KLHDC8A: variants seen among roughly 807,000 people sequenced by gnomAD.
KLHDC8A encodes the protein kelch domain-containing protein 8A.
Under a neutral mutation model 33.1 loss-of-function variants are expected in KLHDC8A, and 21 were observed. The observed-to-expected ratio is 0.64, with a 90% CI of 0.45 to 0.91. The LOEUF is 0.91. Ranked by LOEUF, KLHDC8A falls within the 40% of genes least tolerant of loss-of-function variation. The probability of loss-of-function intolerance (pLI) is 0.00; values close to 1 mark genes in which losing one functional copy is unlikely to be tolerated. For synonymous variants in KLHDC8A, 173 were observed against 193.5 expected, an observed-to-expected ratio of 0.89 and a Z score of 0.88; for missense variants, 435 against 483.3, an observed-to-expected ratio of 0.90 and a Z score of 0.94.
Position 205,339,635 on chromosome 1 carries a change from T to C in KLHDC8A, c.541+9A>G, listed in dbSNP as rs779523972. 11 of 1,613,620 alleles carry C rather than the reference T, an allele frequency of 6.8e-6. No homozygotes were observed. The African/African-American group carries it at 1.1e-4, about 16-fold the overall frequency. On this transcript the variant is annotated intron_variant, in intron 3 of 5. Transcript: ENST00000367155. This position sits in a 1 kb window ranked among gnomAD's most constrained non-coding sequence, Gnocchi z 5.1. ...GGAGGGTAGGTATAGAACAGTAACC[T>C]GTCCTTACCCAGCACGTAGATCTTG... is the stretch of plus-strand genomic sequence containing the variant.
chr1:205,351,247 A>G (rs1663096264), intron 1 of KLHDC8A: 3 of 811,764 alleles, frequency 3.7e-6, no homozygotes, highest in Non-Finnish European at 6.7e-6. Flanking sequence ...AGTATACACC[A>G]TGAGCAAAGC....
At chr1:205,351,748 G>T (rs947982209) in intron 1 of KLHDC8A, among the ~76,000 whole-genome samples, 2 of 151,850 alleles carry the variant, frequency 1.3e-5, no homozygotes, top group Non-Finnish European at 2.9e-5. Flanking sequence ...GAGAAACCCC[G>T]TCTCTACTAA....
intron 1 of KLHDC8A, among the ~76,000 whole-genome samples, chr1:205,352,105 C>T (rs971959900): frequency 6.6e-6 from 1 of 152,102 alleles, no homozygotes; most frequent in African/African-American, 2.4e-5. Flanking sequence ...CAGCCCGGGC[C>T]CTCCAGAGAG....
rs1326553266 is a variant in KLHDC8A at position 205,339,585 on chromosome 1, A to G, written c.541+59T>C. On this transcript the variant is annotated intron_variant, in intron 3 of 5. Coordinates refer to ENST00000367155, the MANE Select transcript of KLHDC8A (RefSeq NM_018203.3). This position sits in a 1 kb window ranked among gnomAD's most constrained non-coding sequence, Gnocchi z 5.1. ...GCTCAGCACACAGGCACTGCTTCCT[A>G]TGGGAACTGAGCCAAGGGAAGGAAG... 9 of 1,573,704 alleles carry G rather than the reference A, an allele frequency of 5.7e-6. No individual in the cohort carries two copies. The highest frequency in any genetic ancestry group is 7.0e-6 in the Non-Finnish European group (8 of 1,148,426).
chr1:205,339,887 C>G lies in KLHDC8A; in HGVS notation c.377-79G>C. The G allele has an allele frequency of 7.3e-7, 1 of 1,375,614 alleles. No individual in the cohort carries two copies. Among genetic ancestry groups the G allele is most frequent in the Non-Finnish European group, 1.0e-6 (1 of 998,542 alleles). The allele number at this position is 1,375,614 out of a possible 1,614,324, so 85.2% of individuals were successfully genotyped here. A position where few individuals can be genotyped will look rare whatever the true frequency, so the allele number is the denominator to read the frequency against. On this transcript the variant is annotated intron_variant, in intron 2 of 5. Coordinates refer to ENST00000367155, the MANE Select transcript of KLHDC8A (RefSeq NM_018203.3). This position sits in a 1 kb window ranked among gnomAD's most constrained non-coding sequence, Gnocchi z 5.1. ...AGGCCCACCAGCATCTATTGCCTCC[C>G]ATGGCCAGGCCAAGCTTTCAACCAC...
At chr1:205,351,284 T>C (rs906315133) in intron 1 of KLHDC8A, 34 of 853,116 alleles carry the variant, frequency 4.0e-5, no homozygotes, top group Middle Eastern at 3.3e-4. Flanking sequence ...AAAAAATTTA[T>C]GGACAAGAAG....
At chr1:205,342,405 T>G (rs139367727) in intron 2 of KLHDC8A, among the ~76,000 whole-genome samples, 46 of 152,310 alleles carry the variant, frequency 3.0e-4, no homozygotes, top group African/African-American at 1.1e-3. Context: ...TTCTCTCTAG[T>G]TACTTTCATT....
At position 205,349,939 on chromosome 1, in the gene KLHDC8A, G is replaced by A. The variant is rs529025675; in HGVS notation, c.-189-6146C>T. ...CTGGTGCCTGTCAAATTAGAAGGAA[G>A]GAAGGTGAAGAAGAGAGCAGCTGGG... On this transcript the variant is annotated intron_variant, in intron 1 of 5. Transcript: ENST00000367155. 2.0e-5 allele frequency among the ~76,000 whole-genome samples: 3 copies of A among 152,322 alleles called. No homozygotes were observed. In the South Asian group the frequency reaches 6.2e-4, roughly 32 times the overall value.
intron 2 of KLHDC8A, among the ~76,000 whole-genome samples, chr1:205,340,526 C>T (rs1298382489): frequency 6.6e-6 from 1 of 152,044 alleles, no homozygotes; most frequent in African/African-American, 2.4e-5. Context: ...GTTTTGTTGC[C>T]CAGGCTGGAG....
chr1:205,341,980 G>A (rs1365443831), intron 2 of KLHDC8A, among the ~76,000 whole-genome samples: 3 of 152,192 alleles, frequency 2.0e-5, no homozygotes, highest in African/African-American at 4.8e-5. Context: ...ACTGTAGGCC[G>A]TTGAGAATTT....
At chr1:205,351,619 A>AAT (rs1205242418) in intron 1 of KLHDC8A, 2 of 528,346 alleles carry the variant, frequency 3.8e-6, no homozygotes, top group East Asian at 7.0e-5. Context: ...AAAAAAAAAA[A>AAT]AAAGAGGAGG....
At chr1:205,352,811 G>A (rs1663153621) in intron 1 of KLHDC8A, among the ~76,000 whole-genome samples, 1 of 152,214 alleles carries the variant, frequency 6.6e-6, no homozygotes, top group African/African-American at 2.4e-5. Flanking sequence ...GGAGTGGCAG[G>A]GCCTTGGCCC....
chr1:205,352,665 G>A (rs576767460), intron 1 of KLHDC8A, among the ~76,000 whole-genome samples: 27 of 152,354 alleles, frequency 1.8e-4, no homozygotes, highest in African/African-American at 6.5e-4. Flanking sequence ...CTGGAAAGGT[G>A]AGAACCAGGC....
Position 205,337,420 on chromosome 1 carries a change from G to A in KLHDC8A, c.1032C>T (p.Ala344=), listed in dbSNP as rs758765786. The change falls in exon 6 of 6, where the codon GCC becomes GCT. Residue 344 remains alanine (A), a synonymous_variant. Transcript: ENST00000367155. ...ACAGCTAGGAGTCAGAGACACACAG[G>A]GCCTCCACTGCGTCACTCAGACCCT... ...VNQGLSDAVE[A]LCVSDS 1 of 1,613,240 alleles carries A rather than the reference G, an allele frequency of 6.2e-7. No individual in the cohort carries two copies. The highest frequency in any genetic ancestry group is 1.3e-5 in the African/African-American group (1 of 74,990).
chr1:205,353,241 G>GA lies in KLHDC8A; in HGVS notation c.-190+3291dup, dbSNP rs374420736. On this transcript the variant is annotated intron_variant, in intron 1 of 5. Transcript: ENST00000367155. Reference sequence around the variant, plus strand: ...ATTTTTACATTTTTAAATGATTGGGGAAAAAAAATCAAAAGAAAAATATTT... The same window carrying GA: ...ATTTTTACATTTTTAAATGATTGGGGAAAAAAAAATCAAAAGAAAAATATTT... Among the ~76,000 whole-genome samples the GA allele has an allele frequency of 2.6e-3, 388 of 151,832 alleles. 8 individuals carry two copies. Among genetic ancestry groups the GA allele is most frequent in the Non-Finnish European group, 6.2e-4 (42 of 67,934 alleles).
chr1:205,354,550 C>G (rs1663210552), intron 1 of KLHDC8A, among the ~76,000 whole-genome samples: 1 of 152,192 alleles, frequency 6.6e-6, no homozygotes, highest in Admixed American at 6.5e-5. Flanking sequence ...AAATAAATAT[C>G]TGTAAGCAGT....
At chr1:205,355,615 T>C (rs978344537) in intron 1 of KLHDC8A, among the ~76,000 whole-genome samples, 2 of 152,042 alleles carry the variant, frequency 1.3e-5, no homozygotes, top group African/African-American at 4.8e-5. Context: ...CTGATCAGAG[T>C]TTGGTGTGTG....
chr1:205,355,160 C>A (rs1663232475), intron 1 of KLHDC8A, among the ~76,000 whole-genome samples: 1 of 152,218 alleles, frequency 6.6e-6, no homozygotes, highest in African/African-American at 2.4e-5. Context: ...CAGTGTCACA[C>A]CCTAATCTTG....
At position 205,339,532 on chromosome 1, in the gene KLHDC8A, G is replaced by A. The variant is rs2102279691; in HGVS notation, c.541+112C>T. 2.8e-6 allele frequency: 4 copies of A among 1,428,264 alleles called. No homozygotes were observed. Among genetic ancestry groups the A allele is most frequent in the South Asian group, 1.3e-5 (1 of 79,582 alleles). 88.5% of individuals were successfully genotyped at this position (1,428,264 alleles called of 1,614,324 possible). On this transcript the variant is annotated intron_variant, in intron 3 of 5. Transcript: ENST00000367155. The surrounding 1 kb of genome is among the most constrained non-coding windows in gnomAD (Gnocchi z 5.1). ...CAGGAAGCTCCCGGTGGGCTGGGCA[G>A]TGTGATTATCCCCAGTGCCGAGGAG...
Sources: gnomAD v4.1 joint callset for allele counts (sites outside exome capture counted in the v4.1 genomes callset) on GRCh38, gnomAD v4.1.1 for gene constraint, Gnocchi (gnomAD v3.1) non-coding constraint, MANE v1.5 for transcripts, NCBI Gene and HGNC (gene_info 2026-07-23, HGNC 2026-07-21) for gene names.